The following RBFOX1 variants were observed in gnomAD, a reference collection of about 807,000 sequenced individuals.
RBFOX1 encodes the protein RNA binding protein fox-1 homolog 1.
Under a neutral mutation model 57.7 loss-of-function variants are expected in RBFOX1, and 8 were observed. The observed-to-expected ratio is 0.14, with a 90% CI of 0.08 to 0.25. RBFOX1 has a LOEUF of 0.25. RBFOX1 is among the 10% of genes least tolerant of loss of function. RBFOX1 has a pLI of 1.00. For missense variants in RBFOX1, 611 were observed against 548.5 expected, an observed-to-expected ratio of 1.11 and a Z score of -1.14; for synonymous variants, 326 against 222.4, an observed-to-expected ratio of 1.47 and a Z score of -4.15.
intron 4 of RBFOX1, among the ~76,000 whole-genome samples, chr16:7,447,891 C>T (rs998154478): frequency 6.6e-6 from 1 of 152,208 alleles, no homozygotes; most frequent in South Asian, 2.1e-4. Flanking sequence ...CAGCATCAAC[C>T]CCCTGGAGGG....
At chr16:6,769,233 TTC>T (rs1243661401) in intron 3 of RBFOX1, among the ~76,000 whole-genome samples, 3 of 152,136 alleles carry the variant, frequency 2.0e-5, no homozygotes, top group Non-Finnish European at 2.9e-5. Flanking sequence ...CCTGCACAAG[TTC>T]TTTCTTTGCC....
At chr16:7,084,546 A>G (rs2059694225) in intron 4 of RBFOX1, among the ~76,000 whole-genome samples, 1 of 152,156 alleles carries the variant, frequency 6.6e-6, no homozygotes, top group Non-Finnish European at 1.5e-5. Flanking sequence ...CCCCAAAAGA[A>G]AGGGGAATGT....
chr16:6,722,728 C>A (rs900202832), intron 3 of RBFOX1, among the ~76,000 whole-genome samples: 1 of 152,198 alleles, frequency 6.6e-6, no homozygotes, highest in Non-Finnish European at 1.5e-5. Context: ...TAGAAGCAGT[C>A]TGAATTAAGG....
intron 3 of RBFOX1, among the ~76,000 whole-genome samples, chr16:6,946,349 C>T (rs1470874484): frequency 6.6e-6 from 1 of 152,200 alleles, no homozygotes; most frequent in Non-Finnish European, 1.5e-5. Context: ...CCAGGTCTGG[C>T]CAGCTGGCCC....
intron 1 of RBFOX1, among the ~76,000 whole-genome samples, chr16:6,200,044 G>A (rs1440216907): frequency 6.6e-6 from 1 of 152,136 alleles, no homozygotes; most frequent in African/African-American, 2.4e-5. Context: ...GCACCATTTG[G>A]AAGATACAAA....
At chr16:6,004,420 G>A (rs192704365) in intron 4 of RBFOX1, among the ~76,000 whole-genome samples, 3 of 152,182 alleles carry the variant, frequency 2.0e-5, no homozygotes, top group Non-Finnish European at 2.9e-5. Flanking sequence ...ATTTAGGAAA[G>A]TGTACATAGG....
At chr16:6,779,725 A>T (rs1159490399) in intron 3 of RBFOX1, among the ~76,000 whole-genome samples, 3 of 86,140 alleles carry the variant, frequency 3.5e-5, no homozygotes, top group South Asian at 3.4e-4. Context: ...ATATATATTT[A>T]TATATTTTTA....
intron 4 of RBFOX1, among the ~76,000 whole-genome samples, chr16:5,916,843 C>G (rs936985901): frequency 6.6e-6 from 1 of 152,102 alleles, no homozygotes; most frequent in East Asian, 1.9e-4. Flanking sequence ...ATCCTCTTAG[C>G]CAGGAGAGAG....
At chr16:6,227,624 A>T (rs547760640) in intron 1 of RBFOX1, among the ~76,000 whole-genome samples, 2 of 152,296 alleles carry the variant, frequency 1.3e-5, no homozygotes, top group South Asian at 4.1e-4. Context: ...TATGCTGGTC[A>T]GAAAGTAGGG....
At chr16:6,350,444 G>GAAAAAAAAAAAAA (rs569363563) in intron 2 of RBFOX1, among the ~76,000 whole-genome samples, 3 of 74,666 alleles carry the variant, frequency 4.0e-5, no homozygotes, top group South Asian at 5.0e-4. Context: ...TCTGTCTCAA[G>GAAAAAAAAAAAAA]AAAAAAAAAA....
rs144851534 is a variant in RBFOX1 at position 6,710,652 on chromosome 16, T to C, written c.-16+56002T>C. On this transcript the variant is annotated intron_variant, in intron 3 of 15. Transcript: ENST00000550418. ...GCAAGGGAAGAAAAATTGTCTCAAG[T>C]ATGGCTGAATCCAGAAACACACCTG... Among the ~76,000 whole-genome samples the C allele has an allele frequency of 3.3e-4, 51 of 152,354 alleles. 1 individual carries two copies. In the East Asian group the frequency reaches 5.2e-3, roughly 16 times the overall value.
In RBFOX1 at chr16:5,657,644, CTTTCTTTCTTTTCT is replaced by C. The variant is rs1268553116; in HGVS notation, c.318+58695_318+58708del. ...TCTCTCTTTCTTTCTTTCTTTCTTT[CTTTCTTTCTTTTCT>C]TTTCTTTCTTTCTTTTCTTTTCTTT... On this transcript the variant is annotated intron_variant, in intron 3 of 19. Transcript: ENST00000641259. Among the ~76,000 whole-genome samples the C allele has an allele frequency of 2.2e-3, 314 of 140,352 alleles. 3 individuals carry two copies. The highest frequency in any genetic ancestry group is 6.1e-3 in the African/African-American group (227 of 36,986). The allele number at this position is 140,352 out of a possible 152,430, so 92.1% of individuals were successfully genotyped here.
intron 4 of RBFOX1, among the ~76,000 whole-genome samples, chr16:7,108,590 G>T (rs954933122): frequency 1.3e-5 from 2 of 152,116 alleles, no homozygotes; most frequent in East Asian, 3.8e-4. Flanking sequence ...GTATGGTTCA[G>T]TGGGATTTGT....
chr16:5,650,276 C>G (rs1377698465), intron 3 of RBFOX1, among the ~76,000 whole-genome samples: 1 of 151,852 alleles, frequency 6.6e-6, no homozygotes, highest in African/African-American at 2.4e-5. Flanking sequence ...TGAAGTGCCC[C>G]TTTCTGGGCT....
rs1050668114 is a variant in RBFOX1, at chr16:7,028,927, A to G, written c.-15-23130A>G. 4.0e-5 allele frequency among the ~76,000 whole-genome samples: 6 copies of G among 150,790 alleles called. No homozygotes were observed. The South Asian group carries it at 6.3e-4, about 16-fold the overall frequency. On this transcript the variant is annotated intron_variant, in intron 3 of 15. Coordinates refer to ENST00000550418, the MANE Select transcript of RBFOX1 (RefSeq NM_018723.4). ...TTGCTAGGAAAGTTTGCAAGCATCT[A>G]TGAAATAATGAAAGTTTAAATGACC...
intron 4 of RBFOX1, among the ~76,000 whole-genome samples, chr16:7,392,840 TTTTGG>T (rs567220736): frequency 0.014 from 2,134 of 151,008 alleles, 26 homozygotes; most frequent in African/African-American, 0.032. Flanking sequence ...TTTTTTGTTG[TTTTGG>T]TTTGGTTTGG....
chr16:6,599,461 G>C (rs951465080), intron 2 of RBFOX1, among the ~76,000 whole-genome samples: 1 of 152,012 alleles, frequency 6.6e-6, no homozygotes, highest in Non-Finnish European at 1.5e-5. Context: ...TAACAAGGAC[G>C]CTTCAAAAAA....
At chr16:5,727,253 C>G (rs2052186756) in intron 3 of RBFOX1, among the ~76,000 whole-genome samples, 1 of 151,696 alleles carries the variant, frequency 6.6e-6, no homozygotes, top group Non-Finnish European at 1.5e-5. Context: ...GCCTGGGCAA[C>G]AGAGTAAGAC....
intron 4 of RBFOX1, among the ~76,000 whole-genome samples, chr16:7,321,382 G>C (rs374737064): frequency 1.3e-5 from 2 of 152,240 alleles, no homozygotes. Flanking sequence ...CTGACCTCAA[G>C]TGATACACCC....
Sources: gnomAD v4.1 joint callset for allele counts (sites outside exome capture counted in the v4.1 genomes callset) on GRCh38, gnomAD v4.1.1 for gene constraint, MANE v1.5 for transcripts, NCBI Gene and HGNC (gene_info 2026-07-23, HGNC 2026-07-21) for gene names.